Variants in PCDHGA4 observed in about 807,000 individuals in gnomAD.
The protein encoded by PCDHGA4 is protocadherin gamma-A4.
Under a neutral mutation model 54.6 loss-of-function variants are expected in PCDHGA4, and 38 were observed. That is an observed-to-expected ratio of 0.70 (90% CI 0.54 to 0.91). The LOEUF is 0.91. Ranked by LOEUF, PCDHGA4 falls within the 40% of genes least tolerant of loss-of-function variation. The probability of loss-of-function intolerance (pLI) is 0.00; values close to 1 mark genes in which losing one functional copy is unlikely to be tolerated. For synonymous variants in PCDHGA4, 511 were observed against 512.9 expected (o/e 1.00, Z 0.05); for missense variants, 1,298 against 1,220.9 (o/e 1.06, Z -0.94).
At chr5:141,443,467 C>T (rs2098389901) in intron 1 of PCDHGA4, among the ~76,000 whole-genome samples, 2 of 152,156 alleles carry the variant, frequency 1.3e-5, no homozygotes, top group African/African-American at 4.8e-5. Context: ...GTCTGGGTGA[C>T]AGAATTAGAC....
At chr5:141,418,830 G>T (rs371820904) in intron 1 of PCDHGA4, 44 of 1,613,858 alleles carry the variant, frequency 2.7e-5, no homozygotes, top group Non-Finnish European at 3.6e-5. Flanking sequence ...GCAAAAGACC[G>T]AGGATCTCTC....
In PCDHGA4 at chr5:141,357,260, C is replaced by T; in HGVS notation, c.2153C>T (p.Ser718Leu). ...SLKPSADPDDSGLTLYLVVAV... is the reference protein window; with the variant it reads ...SLKPSADPDDLGLTLYLVVAV... ...AAGCCTTCAGCAGACCCAGACGACT[C>T]GGGCCTCACACTCTATCTCGTGGTG... Residue 718 changes from serine to leucine, a missense_variant, in exon 1 of 4, where the codon TCG (serine) becomes TTG (leucine). Coordinates refer to ENST00000571252, the MANE Select transcript of PCDHGA4 (RefSeq NM_018917.4). 17 of 1,613,796 alleles carry T rather than the reference C, an allele frequency of 1.1e-5. No individual in the cohort carries two copies. The highest frequency in any genetic ancestry group is 1.4e-5 in the Non-Finnish European group (16 of 1,179,740).
chr5:141,384,346 G>A (rs992832645), intron 1 of PCDHGA4: 3 of 1,613,746 alleles, frequency 1.9e-6, no homozygotes, highest in Non-Finnish European at 2.5e-6. Context: ...CGACAGTGAG[G>A]ATAATGCCCA....
intron 1 of PCDHGA4, among the ~76,000 whole-genome samples, chr5:141,448,146 C>G (rs1375402473): frequency 6.6e-6 from 1 of 151,942 alleles, no homozygotes; most frequent in Non-Finnish European, 1.5e-5. Flanking sequence ...ATACCTCAGA[C>G]TCACCCCTGA....
In PCDHGA4 at chr5:141,439,231, T is replaced by C. The variant is rs545867747; in HGVS notation, c.2515-55576T>C. 2.0e-5 allele frequency among the ~76,000 whole-genome samples: 3 copies of C among 151,650 alleles called. No individual in the cohort carries two copies. In the East Asian group the frequency reaches 5.8e-4, roughly 29 times the overall value. On this transcript the variant is annotated intron_variant, in intron 1 of 3. Coordinates refer to ENST00000571252, the MANE Select transcript of PCDHGA4 (RefSeq NM_018917.4). ...TCCATATGTGAAAATTCTTAGAAGC[T>C]TCCTATACAATTTCAGCTGAAGATT...
chr5:141,364,999 C>T (rs1763663024), intron 1 of PCDHGA4: 4 of 1,613,862 alleles, frequency 2.5e-6, no homozygotes, highest in Non-Finnish European at 2.5e-6. Context: ...CGGTACTCTC[C>T]GGCACCACGC....
At chr5:141,394,057 T>C (rs1318938543) in intron 1 of PCDHGA4, 1 of 1,613,750 alleles carries the variant, frequency 6.2e-7, no homozygotes, top group East Asian at 2.2e-5. Flanking sequence ...CGAGAAAATG[T>C]CTCTATCTAC....
chr5:141,476,328 G>C lies in PCDHGA4; in HGVS notation c.2515-18479G>C, dbSNP rs1381722714. On this transcript the variant is annotated intron_variant, in intron 1 of 3. Coordinates refer to ENST00000571252, the MANE Select transcript of PCDHGA4 (RefSeq NM_018917.4). This position sits in a 1 kb window ranked among gnomAD's most constrained non-coding sequence, Gnocchi z 7.6. Reference sequence around the variant, plus strand: ...GCCCGCAGGTTCCGGGTGGTGTCTGGAGCTAGCCGAAGATTCTTTGAGGTG... The same window carrying C: ...GCCCGCAGGTTCCGGGTGGTGTCTGCAGCTAGCCGAAGATTCTTTGAGGTG... 1 of 1,614,176 alleles carries C rather than the reference G, an allele frequency of 6.2e-7. No individual in the cohort carries two copies. Among genetic ancestry groups the C allele is most frequent in the East Asian group, 2.2e-5 (1 of 44,864 alleles).
intron 1 of PCDHGA4, chr5:141,388,504 C>T: frequency 1.2e-6 from 2 of 1,613,808 alleles, no homozygotes; most frequent in Non-Finnish European, 1.7e-6. Context: ...AAGCAGAAAT[C>T]CTACCACTTG....
intron 1 of PCDHGA4, chr5:141,408,283 C>A: frequency 6.2e-7 from 1 of 1,612,756 alleles, no homozygotes; most frequent in Non-Finnish European, 8.5e-7. Context: ...TGTTCTACCC[C>A]ACCCTGAGTG....
In PCDHGA4 at chr5:141,490,673, C is replaced by T; in HGVS notation, c.2515-4134C>T. ...GGCTCCCTTCTTTGCACTGTGGCTG[C>T]CTCAGATCCAGACACTGGGGATAAT... On this transcript the variant is annotated intron_variant, in intron 1 of 3. Coordinates refer to ENST00000571252, the MANE Select transcript of PCDHGA4 (RefSeq NM_018917.4). This position sits in a 1 kb window ranked among gnomAD's most constrained non-coding sequence, Gnocchi z 5.4. 1.2e-6 allele frequency: 2 copies of T among 1,614,126 alleles called. No homozygotes were observed. The highest frequency in any genetic ancestry group is 1.7e-6 in the Non-Finnish European group (2 of 1,179,952).
chr5:141,477,890 C>A lies in PCDHGA4; in HGVS notation c.2515-16917C>A, dbSNP rs202114426. On this transcript the variant is annotated intron_variant, in intron 1 of 3. Transcript: ENST00000571252. This position sits in a 1 kb window ranked among gnomAD's most constrained non-coding sequence, Gnocchi z 4.9. ...TACCTCAGCTGGCCACCTAGTGTCA[C>A]GGGTGGTAGGCTGGGACGCGGATGC... is the stretch of plus-strand genomic sequence containing the variant. 3.1e-6 allele frequency: 5 copies of A among 1,614,204 alleles called. 1 individual carries two copies. In the Admixed American group the frequency reaches 8.3e-5, roughly 27 times the overall value.
At chr5:141,427,970 C>G in intron 1 of PCDHGA4, 1 of 1,592,510 alleles carries the variant, frequency 6.3e-7, no homozygotes. Context: ...GGGTGCTGTA[C>G]CCCGCGCTGG....
chr5:141,423,708 T>A (rs1384948123), intron 1 of PCDHGA4: 23 of 1,349,902 alleles, frequency 1.7e-5, no homozygotes, highest in Non-Finnish European at 2.2e-5. Flanking sequence ...TTGGCACAAG[T>A]CTTTTAAGGA....
intron 1 of PCDHGA4, chr5:141,385,164 T>A (rs758100484): frequency 9.3e-6 from 15 of 1,614,168 alleles, no homozygotes; most frequent in Non-Finnish European, 1.3e-5. Flanking sequence ...CCTATTCCCA[T>A]GAGGTCTCCC....
At position 141,486,449 on chromosome 5, in the gene PCDHGA4, A is replaced by G; in HGVS notation, c.2515-8358A>G. On this transcript the variant is annotated intron_variant, in intron 1 of 3. Coordinates refer to ENST00000571252, the MANE Select transcript of PCDHGA4 (RefSeq NM_018917.4). The surrounding 1 kb of genome is among the most constrained non-coding windows in gnomAD (Gnocchi z 5.0). The stretch of plus-strand genomic sequence containing the variant: ...CAAATCTAGCTATGACATCATGGTC[A>G]CTGCTTCTGATGCTGGGAACCCTCC... The G allele has an allele frequency of 6.2e-7, 1 of 1,614,184 alleles. No homozygotes were observed. Among genetic ancestry groups the G allele is most frequent in the Non-Finnish European group, 8.5e-7 (1 of 1,180,000 alleles).
rs753504558 is a variant in PCDHGA4, at chr5:141,357,232, C to A, written c.2125C>A (p.Leu709Ile). 6.2e-7 allele frequency: 1 copy of A among 1,613,846 alleles called. No individual in the cohort carries two copies. Among genetic ancestry groups the A allele is most frequent in the East Asian group, 2.2e-5 (1 of 44,870 alleles). ...IPDVLADLGS[L>I]KPSADPDDSG... ...AGATGTCCTGGCTGACTTGGGCAGCCTCAAGCCTTCAGCAGACCCAGACGA... is the reference window on the plus strand; with the variant it reads ...AGATGTCCTGGCTGACTTGGGCAGCATCAAGCCTTCAGCAGACCCAGACGA... The change falls in exon 1 of 4, where the codon CTC becomes ATC. Residue 709 changes from leucine (L) to isoleucine (I), a missense_variant. Physicochemically the swap from Leu to Ile is conservative, Grantham distance 5 (BLOSUM62 2). Transcript: ENST00000571252.
rs771884610 is a variant in PCDHGA4, at chr5:141,491,436, G to T, written c.2515-3371G>T. 1 of 1,614,070 alleles carries T rather than the reference G, an allele frequency of 6.2e-7. No individual in the cohort carries two copies. ...ACGGGGGTGGAGGGCAGTGCTGCAGGCGCCAGGACTCACCCTCCCCGGACT... is the reference window on the plus strand; with the variant it reads ...ACGGGGGTGGAGGGCAGTGCTGCAGTCGCCAGGACTCACCCTCCCCGGACT... On this transcript the variant is annotated intron_variant, in intron 1 of 3. Coordinates refer to ENST00000571252, the MANE Select transcript of PCDHGA4 (RefSeq NM_018917.4). The surrounding 1 kb of genome is among the most constrained non-coding windows in gnomAD (Gnocchi z 6.9).
intron 1 of PCDHGA4, chr5:141,405,594 C>G: frequency 1.7e-6 from 1 of 578,834 alleles, no homozygotes; most frequent in Non-Finnish European, 3.0e-6. Context: ...ACAGGCCTCC[C>G]AAGTAGAATA....
Sources: gnomAD v4.1 joint callset for allele counts (sites outside exome capture counted in the v4.1 genomes callset) on GRCh38, gnomAD v4.1.1 for gene constraint, Gnocchi (gnomAD v3.1) non-coding constraint, MANE v1.5 for transcripts, NCBI Gene and HGNC (gene_info 2026-07-23, HGNC 2026-07-21) for gene names.